Variants in BRINP1 observed in about 807,000 individuals in gnomAD.
BRINP1 encodes BMP/retinoic acid-inducible neural-specific protein 1.
BRINP1 carries 17 observed loss-of-function variants against 72.9 expected under a neutral mutation model. The ratio of observed to expected loss-of-function variants is 0.23; its 90% CI spans 0.16 to 0.35. The LOEUF (loss-of-function observed/expected upper bound fraction) is 0.35. Ranked by LOEUF, BRINP1 falls within the 10% of genes least tolerant of loss-of-function variation. The probability of loss-of-function intolerance (pLI) is 1.00; values close to 1 mark genes in which losing one functional copy is unlikely to be tolerated. For synonymous variants in BRINP1, 418 were observed against 378.5 expected, an observed-to-expected ratio of 1.10 and a Z score of -1.21; for missense variants, 850 against 1,001.6, an observed-to-expected ratio of 0.85 and a Z score of 2.04.
intron 1 of BRINP1, among the ~76,000 whole-genome samples, chr9:119,362,387 T>C (rs1831644167): frequency 1.3e-5 from 2 of 152,164 alleles, no homozygotes; most frequent in African/African-American, 4.8e-5. Flanking sequence ...CTCACCACTA[T>C]CACTACTGAA....
rs1385985751 is a variant in BRINP1 at position 119,369,326 on chromosome 9, C to T, written c.-321G>A. ...TCTCTCGCTCTCGCTCTCGCTGTTG[C>T]TCGCTCGCTCTCTCCCTCTCTCGCG... is the stretch of plus-strand genomic sequence containing the variant. On this transcript the variant is annotated 5_prime_UTR_variant, in exon 1 of 8. Coordinates refer to ENST00000265922, the MANE Select transcript of BRINP1 (RefSeq NM_014618.3). 2.5e-6 allele frequency: 1 copy of T among 398,850 alleles called. No homozygotes were observed. 24.7% of individuals were successfully genotyped at this position (398,850 alleles called of 1,614,324 possible). A position where few individuals can be genotyped will look rare whatever the true frequency, so the allele number is the denominator to read the frequency against.
intron 7 of BRINP1, among the ~76,000 whole-genome samples, chr9:119,181,550 A>C (rs1402183889): frequency 6.6e-6 from 1 of 152,218 alleles, no homozygotes; most frequent in Non-Finnish European, 1.5e-5. Context: ...AGCTCTAGAG[A>C]GATTTCCAGT....
At chr9:119,355,677 T>C (rs1055241109) in intron 1 of BRINP1, among the ~76,000 whole-genome samples, 8 of 147,466 alleles carry the variant, frequency 5.4e-5, no homozygotes, top group Middle Eastern at 3.5e-3. Context: ...TGCAGTGAGC[T>C]GAGATCGCAC....
intron 2 of BRINP1, among the ~76,000 whole-genome samples, chr9:119,276,167 G>A (rs1343990694): frequency 6.6e-6 from 1 of 152,066 alleles, no homozygotes; most frequent in Admixed American, 6.6e-5. Context: ...ACAGTCATCT[G>A]AATTGGATAC....
At chr9:119,318,880 T>TGTGC (rs777749595) in intron 1 of BRINP1, among the ~76,000 whole-genome samples, 2 of 146,052 alleles carry the variant, frequency 1.4e-5, no homozygotes, top group Non-Finnish European at 3.1e-5. Flanking sequence ...TGTGTGTGTG[T>TGTGC]GTGTGCAGGA....
intron 1 of BRINP1, among the ~76,000 whole-genome samples, chr9:119,325,573 C>T (rs2119007360): frequency 6.6e-6 from 1 of 152,306 alleles, no homozygotes; most frequent in East Asian, 1.9e-4. Context: ...TTTTCTAAGC[C>T]TATCCTCGTT....
chr9:119,230,723 G>A (rs1830141909), intron 5 of BRINP1, among the ~76,000 whole-genome samples: 1 of 152,064 alleles, frequency 6.6e-6, no homozygotes, highest in Non-Finnish European at 1.5e-5. Context: ...GAAGAAAAAA[G>A]AGGAGGATGA....
chr9:119,192,309 G>A (rs1390243610), intron 7 of BRINP1, among the ~76,000 whole-genome samples: 1 of 151,868 alleles, frequency 6.6e-6, no homozygotes. Flanking sequence ...AAACTGAAAA[G>A]GCAACCTACA....
chr9:119,366,551 TGTGTGTG>T (rs1226934302), intron 1 of BRINP1, among the ~76,000 whole-genome samples: 2 of 148,922 alleles, frequency 1.3e-5, no homozygotes, highest in African/African-American at 5.1e-5. Flanking sequence ...TGTGTGTGTG[TGTGTGTG>T]TGTCTTTCGG....
chr9:119,364,101 T>C (rs934280161), intron 1 of BRINP1, among the ~76,000 whole-genome samples: 1 of 148,590 alleles, frequency 6.7e-6, no homozygotes, highest in African/African-American at 2.5e-5. Context: ...GTATTCAGGG[T>C]GCCAAGAGGC....
intron 7 of BRINP1, among the ~76,000 whole-genome samples, chr9:119,176,873 G>A (rs913212582): frequency 2.0e-5 from 3 of 152,164 alleles, no homozygotes; most frequent in Non-Finnish European, 2.9e-5. Flanking sequence ...GTTGCTTATC[G>A]GCTGGGAAAA....
At chr9:119,172,094 C>T (rs931355371) in intron 7 of BRINP1, among the ~76,000 whole-genome samples, 2 of 147,996 alleles carry the variant, frequency 1.4e-5, no homozygotes, top group African/African-American at 5.1e-5. Context: ...AGAGCAAACA[C>T]ATTCAAAAGC....
In BRINP1 at chr9:119,167,144, C is replaced by T; in HGVS notation, c.2226G>A (p.Leu742=). The part of the protein sequence containing the change: ...NSEIIRVNHA[L]DLYNTEILKQ... ...TGAGGATCTCCGTGTTGTACAGGTC[C>T]AAGGCGTGGTTCACCCTGATGATCT... Residue 742 remains leucine, a synonymous_variant, in exon 8 of 8, where the codon TTG becomes TTA. Coordinates refer to ENST00000265922, the MANE Select transcript of BRINP1 (RefSeq NM_014618.3). This position sits in a 1 kb window ranked among gnomAD's most constrained non-coding sequence, Gnocchi z 4.3. 1 of 1,614,000 alleles carries T rather than the reference C, an allele frequency of 6.2e-7. No homozygotes were observed. Among genetic ancestry groups the T allele is most frequent in the Non-Finnish European group, 8.5e-7 (1 of 1,179,994 alleles).
At chr9:119,235,645 T>C (rs1430823272) in intron 5 of BRINP1, among the ~76,000 whole-genome samples, 1 of 151,998 alleles carries the variant, frequency 6.6e-6, no homozygotes, top group African/African-American at 2.4e-5. Context: ...CACGACTTTA[T>C]TTTTTTTGTC....
chr9:119,308,630 C>T (rs1385215682), intron 2 of BRINP1, among the ~76,000 whole-genome samples: 1 of 152,108 alleles, frequency 6.6e-6, no homozygotes, highest in African/African-American at 2.4e-5. Context: ...AAGAAATTAT[C>T]AGGACAACAG....
Position 119,249,164 on chromosome 9 carries a change from A to T in BRINP1, c.219-14T>A. The T allele has an allele frequency of 1.9e-6, 3 of 1,609,844 alleles. No individual in the cohort carries two copies. Among genetic ancestry groups the T allele is most frequent in the Non-Finnish European group, 2.5e-6 (3 of 1,177,972 alleles). On this transcript the variant is annotated splice_polypyrimidine_tract_variant and intron_variant, in intron 2 of 7. Coordinates refer to ENST00000265922, the MANE Select transcript of BRINP1 (RefSeq NM_014618.3). ...CGGGCAAACTCCCTGGGCAGGAGAAATGAGCAACACTTCTCAACTTACCAC... is the reference window on the plus strand; with the variant it reads ...CGGGCAAACTCCCTGGGCAGGAGAATTGAGCAACACTTCTCAACTTACCAC...
At chr9:119,354,833 C>T (rs1196299875) in intron 1 of BRINP1, among the ~76,000 whole-genome samples, 1 of 152,196 alleles carries the variant, frequency 6.6e-6, no homozygotes, top group East Asian at 1.9e-4. Flanking sequence ...CATATCACTG[C>T]ACTCCAGCAT....
chr9:119,352,054 T>C (rs1831512624), intron 1 of BRINP1, among the ~76,000 whole-genome samples: 1 of 152,034 alleles, frequency 6.6e-6, no homozygotes, highest in Non-Finnish European at 1.5e-5. Flanking sequence ...TGCCTCAGCC[T>C]CCGAAAGTTC....
intron 2 of BRINP1, among the ~76,000 whole-genome samples, chr9:119,254,236 T>A (rs760710270): frequency 1.3e-5 from 2 of 152,086 alleles, no homozygotes; most frequent in Non-Finnish European, 2.9e-5. Context: ...GAAACAAATA[T>A]GTAATGTGTC....
Sources: allele counts gnomAD v4.1 joint callset (sites outside exome capture counted in the v4.1 genomes callset), GRCh38; gene constraint gnomAD v4.1.1; non-coding constraint Gnocchi (gnomAD v3.1); transcripts MANE v1.5; gene names NCBI Gene and HGNC (gene_info 2026-07-23, HGNC 2026-07-21).